Variants in GRM7 observed in about 807,000 individuals in gnomAD.
The protein encoded by GRM7 is metabotropic glutamate receptor 7.
A neutral mutation model predicts 84.5 loss-of-function variants in GRM7; 35 were observed. The observed-to-expected ratio is 0.41, with a 90% CI of 0.32 to 0.55. GRM7 has a LOEUF of 0.55. Ranked by LOEUF, GRM7 falls within the 20% of genes least tolerant of loss-of-function variation. The pLI, the probability that GRM7 is intolerant of heterozygous loss-of-function variation, is 0.19. For missense variants in GRM7, 1,003 were observed against 1,194.6 expected, an observed-to-expected ratio of 0.84 and a Z score of 2.36; for synonymous variants, 487 against 455.1, an observed-to-expected ratio of 1.07 and a Z score of -0.89.
rs1694275441 is a variant in GRM7 at position 7,151,133 on chromosome 3, A to C, written c.736+4465A>C. Among the ~76,000 whole-genome samples, 1 of 146,488 alleles carries C rather than the reference A, an allele frequency of 6.8e-6. No homozygotes were observed. The highest frequency in any genetic ancestry group is 2.6e-5 in the African/African-American group (1 of 38,116). ...TAAACTCTAGAATTTATTTTTAATTAATACTTTATCATAGCCTAGCATATT... is the reference window on the plus strand; with the variant it reads ...TAAACTCTAGAATTTATTTTTAATTCATACTTTATCATAGCCTAGCATATT... On this transcript the variant is annotated intron_variant, in intron 2 of 9. Transcript: ENST00000357716. This position sits in a 1 kb window ranked among gnomAD's most constrained non-coding sequence, Gnocchi z 4.5.
At chr3:7,555,380 C>T (rs1011142912) in intron 7 of GRM7, among the ~76,000 whole-genome samples, 2 of 152,296 alleles carry the variant, frequency 1.3e-5, no homozygotes, top group African/African-American at 4.8e-5. Context: ...TTAACTGGCT[C>T]TATAGAATCT....
rs149365593 is a variant in GRM7 at position 6,904,318 on chromosome 3, T to C, written c.519+42411T>C. 8.5e-4 allele frequency among the ~76,000 whole-genome samples: 129 copies of C among 152,290 alleles called. 2 individuals carry two copies. The highest frequency in any genetic ancestry group is 2.9e-3 in the African/African-American group (121 of 41,570). Reference sequence around the variant, plus strand: ...CTGTGCAGGATTGTATTTATAGTATTTAGTAGAATGATCTCTGAGGAAAAA... The same window carrying C: ...CTGTGCAGGATTGTATTTATAGTATCTAGTAGAATGATCTCTGAGGAAAAA... On this transcript the variant is annotated intron_variant, in intron 1 of 9. Transcript: ENST00000357716.
At chr3:6,948,812 G>A (rs1244618678) in intron 1 of GRM7, among the ~76,000 whole-genome samples, 1 of 152,066 alleles carries the variant, frequency 6.6e-6, no homozygotes, top group Non-Finnish European at 1.5e-5. Flanking sequence ...TTATGTAATG[G>A]CCTTCTTTGT....
chr3:7,729,123 A>G (rs1014482224), intron 9 of GRM7, among the ~76,000 whole-genome samples: 9 of 149,396 alleles, frequency 6.0e-5, no homozygotes, highest in African/African-American at 2.0e-4. Context: ...AGTAAATTTT[A>G]TATTTGCAAA....
At chr3:7,728,015 G>T (rs149218536) in intron 9 of GRM7, among the ~76,000 whole-genome samples, 1 of 152,236 alleles carries the variant, frequency 6.6e-6, no homozygotes, top group African/African-American at 2.4e-5. Flanking sequence ...TCCTAGCCAG[G>T]AATCTTTCTG....
At chr3:7,733,041 G>A (rs921559256) in intron 9 of GRM7, among the ~76,000 whole-genome samples, 11 of 152,142 alleles carry the variant, frequency 7.2e-5, no homozygotes, top group Non-Finnish European at 1.5e-4. Context: ...TAGCAGCGAG[G>A]ATGACCAGAG....
At chr3:7,016,866 C>T (rs75638799) in intron 1 of GRM7, among the ~76,000 whole-genome samples, 1,694 of 152,282 alleles carry the variant, frequency 0.011, 38 homozygotes, top group African/African-American at 0.039. Flanking sequence ...CTGGTGGCAA[C>T]AGAATCTAGA....
intron 1 of GRM7, among the ~76,000 whole-genome samples, chr3:7,052,302 T>C (rs914778391): frequency 6.6e-4 from 100 of 151,886 alleles, no homozygotes; most frequent in Non-Finnish European, 8.9e-5. Flanking sequence ...ATACAGTAGT[T>C]TGTTAGTTGA....
At chr3:7,287,594 AGG>A (rs529163032) in intron 2 of GRM7, among the ~76,000 whole-genome samples, 45 of 152,262 alleles carry the variant, frequency 3.0e-4, no homozygotes, top group African/African-American at 1.1e-3. Context: ...CTGAGTAAGA[AGG>A]GGAATAATTT....
intron 7 of GRM7, among the ~76,000 whole-genome samples, chr3:7,554,770 G>T (rs1034194497): frequency 6.6e-6 from 1 of 152,182 alleles, no homozygotes; most frequent in Non-Finnish European, 1.5e-5. Flanking sequence ...TAATCAGCAG[G>T]TTGATAGCCA....
intron 8 of GRM7, among the ~76,000 whole-genome samples, chr3:7,643,167 A>G (rs1698438715): frequency 6.6e-6 from 1 of 152,182 alleles, no homozygotes; most frequent in Non-Finnish European, 1.5e-5. Context: ...TCTCTTTGAG[A>G]GCCACTGTCA....
chr3:7,208,842 C>T (rs904564523), intron 2 of GRM7, among the ~76,000 whole-genome samples: 1 of 152,126 alleles, frequency 6.6e-6, no homozygotes, highest in Non-Finnish European at 1.5e-5. Flanking sequence ...ATAGAATTTT[C>T]CCAAGAGGGT....
intron 1 of GRM7, among the ~76,000 whole-genome samples, chr3:7,089,925 C>T (rs979565376): frequency 6.6e-6 from 1 of 152,036 alleles, no homozygotes; most frequent in Non-Finnish European, 1.5e-5. Context: ...TCACTGCAAC[C>T]TCTACTCCCC....
At chr3:7,514,604 T>C (rs901503444) in intron 7 of GRM7, among the ~76,000 whole-genome samples, 1 of 152,180 alleles carries the variant, frequency 6.6e-6, no homozygotes, top group Non-Finnish European at 1.5e-5. Flanking sequence ...CCTGTTTCTA[T>C]CCACCACAGT....
At chr3:7,311,111 T>C (rs1434203624) in intron 4 of GRM7, among the ~76,000 whole-genome samples, 1 of 152,326 alleles carries the variant, frequency 6.6e-6, no homozygotes, top group Admixed American at 6.5e-5. Context: ...GAACAAGTTC[T>C]AGAGGTCAAG....
intron 9 of GRM7, among the ~76,000 whole-genome samples, chr3:7,737,766 T>G (rs1702551735): frequency 1.3e-5 from 2 of 152,258 alleles, no homozygotes; most frequent in South Asian, 4.1e-4. Context: ...CATTTATACA[T>G]TATATTCCCA....
chr3:7,663,466 T>C (rs1357337807), intron 8 of GRM7, among the ~76,000 whole-genome samples: 1 of 152,174 alleles, frequency 6.6e-6, no homozygotes, highest in Admixed American at 6.5e-5. Flanking sequence ...TCTGCACCAA[T>C]AGATCCCTCG....
chr3:7,616,432 T>G (rs1346626999), intron 8 of GRM7, among the ~76,000 whole-genome samples: 1 of 152,146 alleles, frequency 6.6e-6, no homozygotes, highest in African/African-American at 2.4e-5. Context: ...TTGTGTCTGG[T>G]CCAACTAATA....
At chr3:7,614,372 C>T (rs1267927676) in intron 8 of GRM7, among the ~76,000 whole-genome samples, 2 of 152,184 alleles carry the variant, frequency 1.3e-5, no homozygotes, top group Non-Finnish European at 2.9e-5. Flanking sequence ...CTTCCAGTCA[C>T]CATCCCTCTG....
Sources: allele counts gnomAD v4.1 joint callset (sites outside exome capture counted in the v4.1 genomes callset), GRCh38; gene constraint gnomAD v4.1.1; non-coding constraint Gnocchi (gnomAD v3.1); transcripts MANE v1.5; gene names NCBI Gene and HGNC (gene_info 2026-07-23, HGNC 2026-07-21).